Variants in HACE1 observed in about 807,000 individuals in gnomAD.
HACE1 encodes the protein HECT domain and ankyrin repeat containing E3 ubiquitin protein ligase 1.
In HACE1, 73 loss-of-function variants were observed where a neutral mutation model predicts 118.4. The ratio of observed to expected loss-of-function variants is 0.62; its 90% CI spans 0.51 to 0.75. HACE1 has a LOEUF of 0.75. HACE1 is among the 30% of genes least tolerant of loss of function. The probability of loss-of-function intolerance (pLI) is 0.00; values close to 1 mark genes in which losing one functional copy is unlikely to be tolerated. For missense variants in HACE1, 749 were observed against 1,102.2 expected (o/e 0.68, Z 4.54); for synonymous variants, 368 against 374.8 (o/e 0.98, Z 0.21).
Position 104,729,610 on chromosome 6 carries a change from T to G in HACE1, c.*52A>C, listed in dbSNP as rs1774984703. Reference sequence around the variant, plus strand: ...TTTTGTTGACATTTTCCCAAATTACTTCTGCCATTCTGAATTGTGCATCAG... The same window carrying G: ...TTTTGTTGACATTTTCCCAAATTACGTCTGCCATTCTGAATTGTGCATCAG... On this transcript the variant is annotated 3_prime_UTR_variant, in exon 24 of 24. Coordinates refer to ENST00000262903, the MANE Select transcript of HACE1 (RefSeq NM_020771.4). 1.1e-6 allele frequency: 1 copy of G among 904,930 alleles called. No individual in the cohort carries two copies. Among genetic ancestry groups the G allele is most frequent in the East Asian group, 2.4e-5 (1 of 41,750 alleles). 56.1% of individuals were successfully genotyped at this position (904,930 alleles called of 1,614,324 possible).
intron 19 of HACE1, among the ~76,000 whole-genome samples, chr6:104,758,603 C>A (rs995362684): frequency 1.3e-5 from 2 of 152,122 alleles, no homozygotes; most frequent in Admixed American, 6.6e-5. Flanking sequence ...ACAAGCCAAA[C>A]TGTAAAGACC....
intron 11 of HACE1, chr6:104,787,410 T>C (rs1357614327): frequency 6.6e-6 from 1 of 152,126 alleles, no homozygotes; most frequent in Non-Finnish European, 1.5e-5. Context: ...TCACTGAAAA[T>C]TCTAATCATG....
intron 5 of HACE1, among the ~76,000 whole-genome samples, chr6:104,838,890 TAAAA>T (rs71003448): frequency 1.4e-4 from 8 of 58,822 alleles, no homozygotes; most frequent in East Asian, 9.1e-4. Context: ...AACTCCATAG[TAAAA>T]AAAAAAAAAA....
intron 5 of HACE1, 78 bp from the exon 6 acceptor site, chr6:104,833,251 C>T (rs1252599571): frequency 7.6e-7 from 1 of 1,321,188 alleles, no homozygotes; most frequent in Non-Finnish European, 1.1e-6. Flanking sequence ...TGTTATTTCT[C>T]AGCTGGGCGT....
At position 104,750,346 on chromosome 6, in the gene HACE1, C is replaced by T; in HGVS notation, c.2338G>A (p.Glu780Lys). The T allele has an allele frequency of 6.2e-7, 1 of 1,612,328 alleles. No homozygotes were observed. The highest frequency in any genetic ancestry group is 2.2e-5 in the East Asian group (1 of 44,830). Reference protein sequence around the residue: ...PSLIQLFDEYELELLLSGMPE... With the variant: ...PSLIQLFDEYKLELLLSGMPE... ...GAACTGATGTTTTTCCTTACCAATT[C>T]ATATTCATCAAAAAGCTGTATGAGG... Residue 780 changes from glutamate to lysine, a missense_variant, in exon 20 of 24, where the codon GAA (glutamate) becomes AAA (lysine). Transcript: ENST00000262903.
intron 6 of HACE1, among the ~76,000 whole-genome samples, chr6:104,823,074 G>T (rs1368419769): frequency 6.6e-6 from 1 of 152,068 alleles, no homozygotes; most frequent in Non-Finnish European, 1.5e-5. Context: ...AAGTAATTGT[G>T]GTTTTTGCTA....
At chr6:104,803,869 A>C (rs897766539) in intron 7 of HACE1, among the ~76,000 whole-genome samples, 2 of 152,232 alleles carry the variant, frequency 1.3e-5, no homozygotes, top group African/African-American at 4.8e-5. Flanking sequence ...AGCCAGGGCA[A>C]TCAGGCAAGA....
chr6:104,761,165 C>T (rs1462596819), intron 19 of HACE1, among the ~76,000 whole-genome samples: 2 of 152,144 alleles, frequency 1.3e-5, no homozygotes, highest in Non-Finnish European at 2.9e-5. Context: ...ATCAAGCTAC[C>T]ATTCACTTTT....
chr6:104,752,696 A>G (rs1003824094), intron 19 of HACE1, among the ~76,000 whole-genome samples: 3 of 152,000 alleles, frequency 2.0e-5, no homozygotes, highest in Admixed American at 1.3e-4. Flanking sequence ...TATATACTCT[A>G]TTTTTTACCA....
At chr6:104,825,094 A>AAAAG (rs1179682991) in intron 6 of HACE1, among the ~76,000 whole-genome samples, 1 of 151,598 alleles carries the variant, frequency 6.6e-6, no homozygotes, top group Non-Finnish European at 1.5e-5. Flanking sequence ...AAAAAAAAAA[A>AAAAG]AAAGAAAGAA....
At chr6:104,838,024 A>T (rs1774718130) in intron 5 of HACE1, among the ~76,000 whole-genome samples, 1 of 152,276 alleles carries the variant, frequency 6.6e-6, no homozygotes, top group Middle Eastern at 3.4e-3. Flanking sequence ...AGATGTCTAA[A>T]AGAAAACTAT....
intron 19 of HACE1, among the ~76,000 whole-genome samples, chr6:104,765,318 G>A (rs1357099447): frequency 6.6e-6 from 1 of 152,186 alleles, no homozygotes; most frequent in Non-Finnish European, 1.5e-5. Context: ...TCCTTGAAGA[G>A]ATTGAGAACA....
chr6:104,799,646 T>C (rs999381650), intron 7 of HACE1, among the ~76,000 whole-genome samples: 10 of 152,186 alleles, frequency 6.6e-5, no homozygotes. Context: ...TGAATCTGCA[T>C]CAGTCTGACT....
rs1246333488 is a variant in HACE1, at chr6:104,850,273, A to G, written c.221+634T>C. Among the ~76,000 whole-genome samples the G allele has an allele frequency of 2.0e-5, 3 of 152,092 alleles. No individual in the cohort carries two copies. The East Asian group carries it at 5.8e-4, about 29-fold the overall frequency. On this transcript the variant is annotated intron_variant, in intron 3 of 23. Transcript: ENST00000262903. ...CCTTTTAAACACATTATTTTTACCT[A>G]TAATTTGATTTAACTTCTGACACAA...
intron 1 of HACE1, among the ~76,000 whole-genome samples, chr6:104,853,208 C>T (rs1241452287): frequency 6.6e-6 from 1 of 152,236 alleles, no homozygotes. Flanking sequence ...ATGACTCTTA[C>T]TCGATGCTGG....
At position 104,741,832 on chromosome 6, in the gene HACE1, A is replaced by T. The variant is rs1776749896; in HGVS notation, c.2513+2328T>A. ...CTACTTTAAAGTTCATATGGAACCA[A>T]AAAAGAGCCCACATCACCAAGTCAA... On this transcript the variant is annotated intron_variant, in intron 22 of 23. Transcript: ENST00000262903. 1.5e-4 allele frequency among the ~76,000 whole-genome samples: 22 copies of T among 148,612 alleles called. 1 individual carries two copies. The South Asian group carries it at 4.1e-3, about 28-fold the overall frequency.
chr6:104,811,362 T>C lies in HACE1; in HGVS notation c.566A>G (p.Asp189Gly), dbSNP rs1771604363. The C allele has an allele frequency of 6.5e-7, 1 of 1,545,778 alleles. No homozygotes were observed. The highest frequency in any genetic ancestry group is 1.4e-5 in the African/African-American group (1 of 73,124). ...TVQCLLDSGA[D>G]INRPNVSGAT... The stretch of plus-strand genomic sequence containing the variant: ...TCCTGATACATTTGGCCTGTTAATA[T>C]CAGCACCACTGTCTAGCAAGCACTG... The change falls in exon 7 of 24, where the codon GAT (aspartate) becomes GGT (glycine). Residue 189 changes from aspartate to glycine, a missense_variant. Physicochemically the swap from Asp to Gly is moderately conservative, Grantham distance 94. Around this residue, in one of 5 missense-constraint regions of HACE1, gnomAD observed 267 missense variants for 312.2 expected, o/e 0.86. Transcript: ENST00000262903.
At chr6:104,818,535 T>C (rs1470474773) in intron 6 of HACE1, among the ~76,000 whole-genome samples, 1 of 152,026 alleles carries the variant, frequency 6.6e-6, no homozygotes, top group East Asian at 1.9e-4. Context: ...ACTCATTCTA[T>C]AAAGCCAGCA....
Position 104,833,052 on chromosome 6 carries a change from C to A in HACE1, c.524G>T (p.Gly175Val). The change falls in exon 6 of 24, where the codon GGT (glycine) becomes GTT (valine). Residue 175 changes from glycine to valine, a missense_variant. Coordinates refer to ENST00000262903, the MANE Select transcript of HACE1 (RefSeq NM_020771.4). ...CATGGCTCAACTTACCGTCTTGTGA[C>A]CGTTCTGGCAGGCAACATGCAGTGC... ...QTALHVACQN[G>V]HKTTVQCLLD... is the part of the protein sequence containing the mutation. The A allele has an allele frequency of 6.2e-7, 1 of 1,613,494 alleles. No individual in the cohort carries two copies. Among genetic ancestry groups the A allele is most frequent in the African/African-American group, 1.3e-5 (1 of 75,026 alleles).
Sources: gnomAD v4.1 joint callset for allele counts (sites outside exome capture counted in the v4.1 genomes callset) on GRCh38, gnomAD v4.1.1 for gene constraint, gnomAD v4.1.1 regional missense constraint, MANE v1.5 for transcripts, NCBI Gene and HGNC (gene_info 2026-07-23, HGNC 2026-07-21) for gene names.